The following TOP6BL variants were observed in gnomAD, a reference collection of about 807,000 sequenced individuals.
The protein encoded by TOP6BL is TOP6B like initiator of meiotic double strand breaks, also known as type 2 DNA topoisomerase 6 subunit B-like.
the TOP6BL span, among the ~76,000 whole-genome samples, chr11:66,773,699 C>T: frequency 6.6e-6 from 1 of 152,126 alleles, no homozygotes; most frequent in Non-Finnish European, 1.5e-5. Context: ...TGATTAGAGA[C>T]AGTTCTACGC....
chr11:66,843,011 G>A, the TOP6BL span: 6 of 1,551,982 alleles, frequency 3.9e-6, no homozygotes, highest in Non-Finnish European at 5.2e-6. Flanking sequence ...AGGGAGCACC[G>A]CGAGGCTCAC....
chr11:66,825,395 G>C, the TOP6BL span, among the ~76,000 whole-genome samples: 1 of 151,546 alleles, frequency 6.6e-6, no homozygotes, highest in South Asian at 2.1e-4. Context: ...AGAGGCTGAG[G>C]CAGGAGAATC....
At chr11:66,745,762 C>T in the TOP6BL span, among the ~76,000 whole-genome samples, 1 of 152,200 alleles carries the variant, frequency 6.6e-6, no homozygotes, top group Non-Finnish European at 1.5e-5. Context: ...TTCCCAACTG[C>T]GCTGTCATAC....
At chr11:66,836,844 G>T in the TOP6BL span, among the ~76,000 whole-genome samples, 1 of 151,302 alleles carries the variant, frequency 6.6e-6, no homozygotes, top group Non-Finnish European at 1.5e-5. Flanking sequence ...GGGATTACAG[G>T]TGTGCGCCAC....
chr11:66,760,295 T>G, the TOP6BL span, among the ~76,000 whole-genome samples: 47 of 149,766 alleles, frequency 3.1e-4, 1 homozygote, highest in Non-Finnish European at 4.0e-4. Context: ...AATACAAAAA[T>G]TAGCCAGGCA....
the TOP6BL span, among the ~76,000 whole-genome samples, chr11:66,762,939 TCA>T: frequency 6.6e-6 from 1 of 152,262 alleles, no homozygotes; most frequent in Non-Finnish European, 1.5e-5. Flanking sequence ...CTGAAGTGTC[TCA>T]CACCTATAAT....
At chr11:66,833,111 C>T in the TOP6BL span, among the ~76,000 whole-genome samples, 6 of 142,996 alleles carry the variant, frequency 4.2e-5, no homozygotes, top group African/African-American at 7.8e-5. Flanking sequence ...GCAGTGGCAA[C>T]GATCTTGGCT....
At chr11:66,773,454 C>T in the TOP6BL span, among the ~76,000 whole-genome samples, 1 of 151,434 alleles carries the variant, frequency 6.6e-6, no homozygotes, top group Non-Finnish European at 1.5e-5. Context: ...TCATAATTTT[C>T]CTTATTATCT....
chr11:66,812,654 TAAGA>T, the TOP6BL span, among the ~76,000 whole-genome samples: 2 of 152,238 alleles, frequency 1.3e-5, no homozygotes, highest in African/African-American at 2.4e-5. Context: ...GTTTACCCCA[TAAGA>T]AAGAGGATGA....
the TOP6BL span, among the ~76,000 whole-genome samples, chr11:66,793,133 G>A: frequency 0.011 from 1,641 of 151,782 alleles, 35 homozygotes; most frequent in African/African-American, 0.037. Flanking sequence ...TGTCACCCAG[G>A]CTGGAGTGCA....
the TOP6BL span, among the ~76,000 whole-genome samples, chr11:66,820,187 A>G: frequency 7.9e-5 from 12 of 152,210 alleles, no homozygotes; most frequent in Non-Finnish European, 1.3e-4. Context: ...TGATGGCAGA[A>G]TTGGCCCTAG....
the TOP6BL span, among the ~76,000 whole-genome samples, chr11:66,827,246 C>T: frequency 1.3e-5 from 2 of 151,702 alleles, no homozygotes; most frequent in Non-Finnish European, 1.5e-5. Flanking sequence ...GACAGGGTTT[C>T]TCCATGTTGG....
chr11:66,841,886 C>T, the TOP6BL span, among the ~76,000 whole-genome samples: 1 of 152,208 alleles, frequency 6.6e-6, no homozygotes, highest in South Asian at 2.1e-4. Context: ...CCCTTTCTCT[C>T]CCTTGTCTGG....
the TOP6BL span, among the ~76,000 whole-genome samples, chr11:66,772,224 G>A: frequency 1.3e-5 from 2 of 152,162 alleles, no homozygotes; most frequent in Non-Finnish European, 2.9e-5. Context: ...TTTCTTGCTA[G>A]TATTTGAAAT....
chr11:66,794,960 C>T, the TOP6BL span, among the ~76,000 whole-genome samples: 8,400 of 151,986 alleles, frequency 0.055, 326 homozygotes, highest in East Asian at 0.12. Context: ...TGGCGAAACC[C>T]CGTCTCTACA....
the TOP6BL span, among the ~76,000 whole-genome samples, chr11:66,785,861 A>C: frequency 6.6e-6 from 1 of 152,104 alleles, no homozygotes; most frequent in African/African-American, 2.4e-5. Flanking sequence ...TATTAGCTCT[A>C]TGTTTTTTCC....
the TOP6BL span, among the ~76,000 whole-genome samples, chr11:66,827,261 G>C: frequency 1.3e-5 from 2 of 151,902 alleles, no homozygotes; most frequent in South Asian, 4.2e-4. Context: ...TGTTGGTCAG[G>C]CTGGTGTCAA....
At chr11:66,761,718 A>G in the TOP6BL span, 2 of 797,088 alleles carry the variant, frequency 2.5e-6, no homozygotes, top group Admixed American at 1.8e-5. Flanking sequence ...AGGTGGTCAT[A>G]TAAGGCCCAG....
At chr11:66,814,155 T>A in the TOP6BL span, 3 of 893,604 alleles carry the variant, frequency 3.4e-6, no homozygotes. Flanking sequence ...GGTCAGGGTC[T>A]GGCCAAATGT....
Sources: gnomAD v4.1 joint callset for allele counts (sites outside exome capture counted in the v4.1 genomes callset) on GRCh38, gnomAD v4.1.1 for gene constraint, MANE v1.5 for transcripts, NCBI Gene and HGNC (gene_info 2026-07-23, HGNC 2026-07-21) for gene names.